Variants in NLRC5 observed in about 807,000 individuals in gnomAD.
NLRC5 encodes protein NLRC5.
NLRC5 carries 114 observed loss-of-function variants against 206.9 expected under a neutral mutation model. The ratio of observed to expected loss-of-function variants is 0.55; its 90% CI spans 0.47 to 0.64. The LOEUF (loss-of-function observed/expected upper bound fraction) is 0.64, where lower values mean the gene tolerates loss of function less well. NLRC5 is among the 30% of genes least tolerant of loss of function. The pLI is 0.00. For synonymous variants in NLRC5, 952 were observed against 962.8 expected (o/e 0.99, Z 0.21); for missense variants, 2,008 against 2,305.5 (o/e 0.87, Z 2.64).
chr16:56,996,029 G>A (rs375481417), intron 1 of NLRC5, among the ~76,000 whole-genome samples: 2 of 152,298 alleles, frequency 1.3e-5, no homozygotes, highest in Admixed American at 6.5e-5. Flanking sequence ...TCAGTCAGGT[G>A]CTAACGCATC....
intron 1 of NLRC5, among the ~76,000 whole-genome samples, chr16:57,001,913 C>G (rs1452098207): frequency 2.0e-5 from 3 of 152,092 alleles, no homozygotes; most frequent in African/African-American, 7.2e-5. Flanking sequence ...CTATACTTCC[C>G]ATCCTCTGGT....
intron 15 of NLRC5, among the ~76,000 whole-genome samples, chr16:57,037,597 C>T (rs1300335544): frequency 6.6e-6 from 1 of 152,196 alleles, no homozygotes; most frequent in African/African-American, 2.4e-5. Flanking sequence ...CCCAAACTCT[C>T]CAGTGGGACA....
At chr16:57,050,839 C>T (rs1044906132) in intron 23 of NLRC5, among the ~76,000 whole-genome samples, 1 of 152,070 alleles carries the variant, frequency 6.6e-6, no homozygotes, top group Non-Finnish European at 1.5e-5. Context: ...TGGGTTAAGG[C>T]AGCATTGTTT....
intron 23 of NLRC5, among the ~76,000 whole-genome samples, chr16:57,049,731 CTCAAATAAATAA>C (rs1323001184): frequency 6.9e-6 from 1 of 144,398 alleles, no homozygotes; most frequent in African/African-American, 2.6e-5. Flanking sequence ...AAGACTCTGT[CTCAAATAAATAA>C]ATAAATAAAT....
chr16:57,007,981 T>C (rs1390854169), intron 1 of NLRC5, among the ~76,000 whole-genome samples: 1 of 152,204 alleles, frequency 6.6e-6, no homozygotes, highest in African/African-American at 2.4e-5. Context: ...AATACAAAAA[T>C]TTTAATTTAT....
chr16:57,045,584 C>A, intron 21 of NLRC5, 92 bp downstream of exon 21: 1 of 1,255,664 alleles, frequency 8.0e-7, no homozygotes, highest in Non-Finnish European at 1.2e-6. Context: ...ATGCTGACCA[C>A]TCAGCTCTCA....
rs1229796981 is a variant in NLRC5, at chr16:57,037,265, C to T, written c.2782C>T (p.Leu928=). ...VLRAVSACWT[L]AELHISLQHK... is the part of the protein sequence containing the mutation. ...GAGGGCCGTGAGTGCGTGCTGGACC[C>T]TGGCAGAGCTGCACATCAGGTGGGA... Residue 928 remains leucine (L), a synonymous_variant, in exon 15 of 49, where the codon CTG becomes TTG. Coordinates refer to ENST00000688547, the MANE Select transcript of NLRC5 (RefSeq NM_001384950.1). The T allele has an allele frequency of 6.2e-7, 1 of 1,613,438 alleles. No individual in the cohort carries two copies. The highest frequency in any genetic ancestry group is 1.3e-5 in the African/African-American group (1 of 74,980).
In NLRC5 at chr16:57,061,642, G is replaced by A; in HGVS notation, c.4095G>A (p.Gln1365=). 1 of 1,610,420 alleles carries A rather than the reference G, an allele frequency of 6.2e-7. No homozygotes were observed. The highest frequency in any genetic ancestry group is 8.5e-7 in the Non-Finnish European group (1 of 1,179,358). Reference sequence around the variant, plus strand: ...GGCTGACCCAGTGCTGCCTGGGCCAGAAGCAGCTGGCCATCCTCCTGAGCT... The same window carrying A: ...GGCTGACCCAGTGCTGCCTGGGCCAAAAGCAGCTGGCCATCCTCCTGAGCT... ...ELTLTQCCLG[Q]KQLAILLSLV... is the part of the protein sequence containing the mutation. The change falls in exon 32 of 49, where the codon CAG becomes CAA. Residue 1365 remains glutamine (Q), a synonymous_variant. Coordinates refer to ENST00000688547, the MANE Select transcript of NLRC5 (RefSeq NM_001384950.1).
rs114205709 is a variant in NLRC5, at chr16:57,017,493, A to G, written c.-13+305A>G. Among the ~76,000 whole-genome samples, 1,520 of 152,308 alleles carry G rather than the reference A, an allele frequency of 1.0e-2. 24 individuals are homozygous for G. The highest frequency in any genetic ancestry group is 0.035 in the African/African-American group (1,452 of 41,572). ...TATCAGCTAGGATAGGCCAGGTTAC[A>G]CTGTAGTACATGCACCCTCCAAAGT... On this transcript the variant is annotated intron_variant, in intron 2 of 48. Coordinates refer to ENST00000688547, the MANE Select transcript of NLRC5 (RefSeq NM_001384950.1).
chr16:57,076,803 T>G lies in NLRC5; in HGVS notation c.4752-16T>G. The stretch of plus-strand genomic sequence containing the variant: ...AAGCTCCTGAAAGCCTCTTGGTCTA[T>G]TCCCTGCTTTTCCAGACTGAACAGG... On this transcript the variant is annotated splice_polypyrimidine_tract_variant and intron_variant, in intron 39 of 48. Coordinates refer to ENST00000688547, the MANE Select transcript of NLRC5 (RefSeq NM_001384950.1). The G allele has an allele frequency of 6.2e-7, 1 of 1,613,644 alleles. No individual in the cohort carries two copies. The highest frequency in any genetic ancestry group is 8.5e-7 in the Non-Finnish European group (1 of 1,179,614).
At chr16:57,032,311 G>A (rs1462055864) in intron 11 of NLRC5, among the ~76,000 whole-genome samples, 1 of 151,920 alleles carries the variant, frequency 6.6e-6, no homozygotes, top group Non-Finnish European at 1.5e-5. Context: ...GACGTTGGGA[G>A]GATCGCTTGA....
At position 57,079,585 on chromosome 16, in the gene NLRC5, C is replaced by A; in HGVS notation, c.5277C>A (p.Leu1759=). The A allele has an allele frequency of 6.2e-7, 1 of 1,614,122 alleles. No homozygotes were observed. ...AGATTGACAACCAGACTGCCAAGCT[C>A]CTCACCTCCAGCTTCACGAGCTGCC... ...SCKIDNQTAK[L]LTSSFTSCPA... is the part of the protein sequence containing the mutation. The change falls in exon 46 of 49, where the codon CTC becomes CTA. Residue 1759 remains leucine (L), a synonymous_variant. Transcript: ENST00000688547.
intron 3 of NLRC5, chr16:57,021,212 C>T: frequency 1.9e-6 from 1 of 538,064 alleles, no homozygotes. Context: ...TTCTACCTGG[C>T]TTCACTCGAA....
chr16:57,032,815 G>T (rs1468066026), intron 11 of NLRC5, among the ~76,000 whole-genome samples: 5 of 141,606 alleles, frequency 3.5e-5, no homozygotes, highest in African/African-American at 1.3e-4. Flanking sequence ...GGGCAACAAA[G>T]TGAGACCCCC....
Position 57,020,751 on chromosome 16 carries a change from G to C in NLRC5, c.39G>C (p.Leu13=). The stretch of plus-strand genomic sequence containing the variant: ...GCCTCCAGCTCGGCAACAAGAACCT[G>C]TGGAGCTGTCTTGTGAGGCTGCTCA... The part of the protein sequence containing the change: ...PVGLQLGNKN[L]WSCLVRLLTK... Residue 13 remains leucine, a synonymous_variant, in exon 3 of 49, where the codon CTG becomes CTC. Transcript: ENST00000688547. 1 of 1,612,058 alleles carries C rather than the reference G, an allele frequency of 6.2e-7. No homozygotes were observed. The highest frequency in any genetic ancestry group is 8.5e-7 in the Non-Finnish European group (1 of 1,179,648).
chr16:57,039,728 G>C, intron 15 of NLRC5, 53 bp from the exon 16 acceptor site: 2 of 1,518,066 alleles, frequency 1.3e-6, no homozygotes, highest in Non-Finnish European at 1.8e-6. Context: ...AAAAGAAATA[G>C]TAACAGGGAG....
At chr16:57,079,512 CCCCAT>C in intron 45 of NLRC5, 29 bp from the exon 46 acceptor site, 1 of 1,584,124 alleles carries the variant, frequency 6.3e-7, no homozygotes. Flanking sequence ...CTCAAACAAC[CCCCAT>C]CCCATCCCAT....
At chr16:57,055,820 A>T (rs2065587670) in intron 27 of NLRC5, among the ~76,000 whole-genome samples, 1 of 152,158 alleles carries the variant, frequency 6.6e-6, no homozygotes, top group African/African-American at 2.4e-5. Context: ...CGCAGGATTC[A>T]TTGTTGGCCC....
intron 15 of NLRC5, 132 bp from the exon 16 acceptor site, chr16:57,039,649 G>A (rs992459762): frequency 5.3e-6 from 4 of 757,826 alleles, no homozygotes; most frequent in Non-Finnish European, 9.1e-6. Context: ...CCCAGGAGGT[G>A]GAGGCTTCAG....
Sources: allele counts gnomAD v4.1 joint callset (sites outside exome capture counted in the v4.1 genomes callset), GRCh38; gene constraint gnomAD v4.1.1; transcripts MANE v1.5; gene names NCBI Gene and HGNC (gene_info 2026-07-23, HGNC 2026-07-21).